Variants in KIAA1671 observed in about 807,000 individuals in gnomAD.
KIAA1671 encodes uncharacterized protein KIAA1671.
KIAA1671 carries 52 observed loss-of-function variants against 131.2 expected under a neutral mutation model. The observed-to-expected ratio is 0.40, with a 90% CI of 0.32 to 0.50. The LOEUF (loss-of-function observed/expected upper bound fraction) is 0.50. KIAA1671 is among the 20% of genes least tolerant of loss of function. The pLI is 0.73. For synonymous variants in KIAA1671, 1,003 were observed against 961.6 expected, an observed-to-expected ratio of 1.04 and a Z score of -0.80; for missense variants, 2,360 against 2,364.2, an observed-to-expected ratio of 1.00 and a Z score of 0.04.
chr22:24,996,039 G>C (rs1924116675), intron 1 of KIAA1671, among the ~76,000 whole-genome samples: 1 of 152,250 alleles, frequency 6.6e-6, no homozygotes, highest in Non-Finnish European at 1.5e-5. Flanking sequence ...ATTGGCATCT[G>C]GGAGAAGTGA....
intron 6 of KIAA1671, among the ~76,000 whole-genome samples, chr22:25,070,900 A>G (rs1353784377): frequency 6.6e-6 from 1 of 152,124 alleles, no homozygotes; most frequent in Non-Finnish European, 1.5e-5. Flanking sequence ...CCCCACTAAC[A>G]CTCACACTGT....
intron 8 of KIAA1671, chr22:25,176,840 C>G (rs1400276805): frequency 6.6e-6 from 1 of 152,370 alleles, no homozygotes; most frequent in African/African-American, 2.4e-5. Flanking sequence ...AAGCTGCCCC[C>G]TCCCTTCCCA....
At chr22:25,060,712 C>T (rs777466482) in intron 6 of KIAA1671, 8 of 152,210 alleles carry the variant, frequency 5.3e-5, no homozygotes, top group Non-Finnish European at 1.2e-4. Context: ...CCAGGGCCGC[C>T]AGTTTCTGTT....
At chr22:25,093,754 C>G (rs8138891) in intron 6 of KIAA1671, among the ~76,000 whole-genome samples, 14 of 100,674 alleles carry the variant, frequency 1.4e-4, no homozygotes, top group South Asian at 7.0e-4. Flanking sequence ...CTCTCTCTCT[C>G]TCTCTCTCTC....
chr22:25,024,892 C>T (rs957972086), intron 1 of KIAA1671, among the ~76,000 whole-genome samples: 1 of 151,792 alleles, frequency 6.6e-6, no homozygotes, highest in East Asian at 1.9e-4. Context: ...GCCAAGCCTC[C>T]GAGTGTATGT....
intron 6 of KIAA1671, among the ~76,000 whole-genome samples, chr22:25,117,176 A>T (rs1233449759): frequency 1.3e-5 from 2 of 152,140 alleles, no homozygotes; most frequent in African/African-American, 4.8e-5. Flanking sequence ...ACTGTCGTAT[A>T]TAATGTGGTG....
At chr22:24,955,842 G>T (rs1921663379) in intron 1 of KIAA1671, among the ~76,000 whole-genome samples, 1 of 152,022 alleles carries the variant, frequency 6.6e-6, no homozygotes, top group African/African-American at 2.4e-5. Context: ...TGGCTAACAT[G>T]GTGAAACCCC....
chr22:25,046,405 T>TCTCTCCATCCCTTCCTCTCTCCATCCCC (rs1602096239), intron 5 of KIAA1671, among the ~76,000 whole-genome samples: 6 of 148,684 alleles, frequency 4.0e-5, no homozygotes, highest in South Asian at 2.1e-4. Flanking sequence ...AAGTGATTCC[T>TCTCTCCATCCCTTCCTCTCTCCATCCCC]TCCTCTCTCC....
At chr22:24,993,589 T>C (rs1475375923) in intron 1 of KIAA1671, among the ~76,000 whole-genome samples, 4 of 152,174 alleles carry the variant, frequency 2.6e-5, no homozygotes, top group Admixed American at 6.5e-5. Flanking sequence ...TCACCTCCCT[T>C]GTCACATGCT....
chr22:25,037,032 AT>A (rs1476566436), intron 4 of KIAA1671, among the ~76,000 whole-genome samples: 1 of 152,224 alleles, frequency 6.6e-6, no homozygotes, highest in African/African-American at 2.4e-5. Context: ...ACGTATTAAA[AT>A]ATAAACAGTC....
chr22:25,103,113 A>G (rs1750362046), intron 6 of KIAA1671, among the ~76,000 whole-genome samples: 1 of 152,098 alleles, frequency 6.6e-6, no homozygotes, highest in South Asian at 2.1e-4. Flanking sequence ...GTGCAGAGAA[A>G]TGAGGTGGTG....
At chr22:24,955,340 T>G (rs1420762835) in intron 1 of KIAA1671, among the ~76,000 whole-genome samples, 1 of 152,198 alleles carries the variant, frequency 6.6e-6, no homozygotes, top group Admixed American at 6.5e-5. Context: ...TGTGAACATA[T>G]GCATTTGTCT....
chr22:24,984,170 G>A (rs1923387783), intron 1 of KIAA1671, among the ~76,000 whole-genome samples: 2 of 152,176 alleles, frequency 1.3e-5, no homozygotes, highest in Non-Finnish European at 2.9e-5. Context: ...ACTTAATTAG[G>A]AAGGGGCATG....
chr22:25,028,036 T>G lies in KIAA1671; in HGVS notation c.37T>G (p.Leu13Val). 6.5e-7 allele frequency: 1 copy of G among 1,532,104 alleles called. No individual in the cohort carries two copies. 94.9% of individuals were successfully genotyped at this position (1,532,104 alleles called of 1,614,324 possible). ...TRVEVGSITP[L>V]TAVPGLGEMG... Reference sequence around the variant, plus strand: ...GGTCGAGGTGGGCTCCATAACGCCCTTGACGGCCGTGCCAGGCCTGGGTGA... The same window carrying G: ...GGTCGAGGTGGGCTCCATAACGCCCGTGACGGCCGTGCCAGGCCTGGGTGA... Residue 13 changes from leucine to valine, a missense_variant, in exon 3 of 13, where the codon TTG becomes GTG. By Grantham distance (32) the Leu-to-Val change is conservative (BLOSUM62 1). This residue lies in a region of KIAA1671 where 1,185 missense variants were observed against 1,126.2 expected (regional missense o/e 1.05). Transcript: ENST00000358431.
At chr22:25,035,541 A>T (rs1021104940) in intron 4 of KIAA1671, among the ~76,000 whole-genome samples, 1 of 152,280 alleles carries the variant, frequency 6.6e-6, no homozygotes, top group African/African-American at 2.4e-5. Context: ...AATACCCACC[A>T]CCACTCTTGG....
At chr22:25,055,089 A>G (rs1282449500) in intron 6 of KIAA1671, 1 of 149,790 alleles carries the variant, frequency 6.7e-6, no homozygotes, top group Non-Finnish European at 1.5e-5. Flanking sequence ...GTGCTGTGTC[A>G]TCGTCATGCC....
intron 3 of KIAA1671, 95 bp downstream of exon 3, chr22:25,029,635 C>T (rs926408756): frequency 3.3e-6 from 3 of 901,534 alleles, no homozygotes; most frequent in Non-Finnish European, 3.3e-6. Context: ...TTGTCACCCC[C>T]CCTCAGTTTA....
At chr22:24,987,175 T>A (rs1190208878) in intron 1 of KIAA1671, among the ~76,000 whole-genome samples, 130 of 149,612 alleles carry the variant, frequency 8.7e-4, no homozygotes, top group African/African-American at 1.6e-3. Flanking sequence ...ATTATTATTT[T>A]TTTTTTTTTT....
chr22:25,139,961 G>A (rs1568976077), intron 6 of KIAA1671, among the ~76,000 whole-genome samples: 3 of 152,238 alleles, frequency 2.0e-5, no homozygotes, highest in Non-Finnish European at 4.4e-5. Flanking sequence ...GAGAAGTGGT[G>A]TGGTGGCAGT....
Sources: gnomAD v4.1 joint callset for allele counts (sites outside exome capture counted in the v4.1 genomes callset) on GRCh38, gnomAD v4.1.1 for gene constraint, gnomAD v4.1.1 regional missense constraint, MANE v1.5 for transcripts, NCBI Gene and HGNC (gene_info 2026-07-23, HGNC 2026-07-21) for gene names.